Variants in CDYL2 observed in about 807,000 individuals in gnomAD.
CDYL2 encodes chromodomain Y like 2.
CDYL2 carries 23 observed loss-of-function variants against 49.4 expected under a neutral mutation model. The observed-to-expected ratio is 0.47, with a 90% confidence interval of 0.34 to 0.66. The LOEUF (loss-of-function observed/expected upper bound fraction) is 0.66. Among genes scored for constraint, CDYL2 ranks in the 30% least tolerant of loss-of-function variants. The probability of loss-of-function intolerance (pLI) is 0.01; values close to 1 mark genes in which losing one functional copy is unlikely to be tolerated. For synonymous variants in CDYL2, 360 were observed against 268.8 expected (o/e 1.34, Z -3.32); for missense variants, 678 against 656.4 (o/e 1.03, Z -0.36).
intron 1 of CDYL2, among the ~76,000 whole-genome samples, chr16:80,725,288 C>T (rs1012805976): frequency 6.6e-6 from 1 of 152,178 alleles, no homozygotes; most frequent in Admixed American, 6.5e-5. Flanking sequence ...GAGCATCTTC[C>T]CTGACATCCC....
chr16:80,624,128 A>C (rs1050232166), intron 3 of CDYL2, among the ~76,000 whole-genome samples: 1 of 152,102 alleles, frequency 6.6e-6, no homozygotes, highest in African/African-American at 2.4e-5. Context: ...AGACTACACA[A>C]TGTCTCTTGG....
At chr16:80,719,896 T>C (rs2142523619) in intron 1 of CDYL2, among the ~76,000 whole-genome samples, 1 of 152,332 alleles carries the variant, frequency 6.6e-6, no homozygotes, top group African/African-American at 2.4e-5. Flanking sequence ...TGTCCAACCC[T>C]GGCCCTCCCC....
chr16:80,672,619 G>A (rs1184794068), intron 2 of CDYL2, among the ~76,000 whole-genome samples: 1 of 146,122 alleles, frequency 6.8e-6, no homozygotes, highest in African/African-American at 2.5e-5. Context: ...GGAAAAGAAA[G>A]GAAAGGAAAG....
intron 1 of CDYL2, 59 bp from the exon 2 acceptor site, chr16:80,685,188 CG>C: frequency 7.2e-7 from 1 of 1,385,908 alleles, no homozygotes; most frequent in Non-Finnish European, 1.0e-6. Context: ...AAACTCAGTT[CG>C]AGGCAACAAG....
At chr16:80,781,532 A>G (rs1198704241) in intron 1 of CDYL2, among the ~76,000 whole-genome samples, 1 of 152,214 alleles carries the variant, frequency 6.6e-6, no homozygotes, top group East Asian at 1.9e-4. Flanking sequence ...TAAACCTATT[A>G]GACCTAACAG....
chr16:80,754,552 T>C (rs1906244483), intron 1 of CDYL2, among the ~76,000 whole-genome samples: 1 of 152,190 alleles, frequency 6.6e-6, no homozygotes, highest in Non-Finnish European at 1.5e-5. Context: ...AGAGTAATAC[T>C]GTAGATGAAG....
intron 2 of CDYL2, among the ~76,000 whole-genome samples, chr16:80,673,146 C>T (rs1413170392): frequency 6.6e-6 from 1 of 151,760 alleles, no homozygotes; most frequent in African/African-American, 2.4e-5. Context: ...GGTGAAACCC[C>T]ATTTCTACTA....
At chr16:80,651,734 G>C (rs997371383) in intron 2 of CDYL2, among the ~76,000 whole-genome samples, 11 of 152,180 alleles carry the variant, frequency 7.2e-5, no homozygotes, top group African/African-American at 2.7e-4. Context: ...AATAACTTTA[G>C]AAATGAGCGG....
At position 80,654,970 on chromosome 16, in the gene CDYL2, C is replaced by A. The variant is rs111869809; in HGVS notation, c.617-21734G>T. 2.3e-3 allele frequency among the ~76,000 whole-genome samples: 354 copies of A among 152,350 alleles called. 2 individuals are homozygous for A. The highest frequency in any genetic ancestry group is 8.1e-3 in the African/African-American group (336 of 41,572). On this transcript the variant is annotated intron_variant, in intron 2 of 6. Transcript: ENST00000570137. ...AACTCAGAAGGCCTTCCTAATCAGA[C>A]AGAGCTGGCTGTGGTTTCTGCAGCG...
intron 2 of CDYL2, among the ~76,000 whole-genome samples, chr16:80,669,701 C>G (rs946398859): frequency 6.6e-6 from 1 of 152,154 alleles, no homozygotes; most frequent in Admixed American, 6.5e-5. Context: ...CAGGCAGGTG[C>G]CCCCACTGAA....
Position 80,599,044 on chromosome 16 carries a change from A to T in CDYL2, c.*5344T>A, listed in dbSNP as rs1411588975. Reference sequence around the variant, plus strand: ...GAAACTCTACACCCTCCAAACTTCCAAGAGTCAGCTTCAAGAGCTCCAGCA... The same window carrying T: ...GAAACTCTACACCCTCCAAACTTCCTAGAGTCAGCTTCAAGAGCTCCAGCA... On this transcript the variant is annotated 3_prime_UTR_variant, in exon 7 of 7. Transcript: ENST00000570137. 2.0e-5 allele frequency: 3 copies of T among 152,154 alleles called. No individual in the cohort carries two copies. Among genetic ancestry groups the T allele is most frequent in the Non-Finnish European group, 4.4e-5 (3 of 68,038 alleles). 9.4% of individuals were successfully genotyped at this position (152,154 alleles called of 1,614,324 possible). A position where few individuals can be genotyped will look rare whatever the true frequency, so the allele number is the denominator to read the frequency against.
intron 3 of CDYL2, among the ~76,000 whole-genome samples, chr16:80,626,124 T>A (rs1484569286): frequency 2.1e-5 from 3 of 144,630 alleles, no homozygotes; most frequent in African/African-American, 7.6e-5. Flanking sequence ...ACCCCAACTC[T>A]CCTAAAAATA....
In CDYL2 at chr16:80,612,698, G is replaced by A. The variant is rs12922920; in HGVS notation, c.1146C>T (p.Pro382=). The A allele has an allele frequency of 1.2e-6, 2 of 1,613,294 alleles. No homozygotes were observed. The highest frequency in any genetic ancestry group is 2.7e-5 in the African/African-American group (2 of 74,890). ...WASEKAWFQT[P]YATIRLTPAG... Reference sequence around the variant, plus strand: ...CAGGCGTGAGGCGGATGGTGGCGTAGGGCGTCTGGAACCAGGCCTTCTCAC... The same window carrying A: ...CAGGCGTGAGGCGGATGGTGGCGTAAGGCGTCTGGAACCAGGCCTTCTCAC... Residue 382 remains proline, a synonymous_variant, in exon 5 of 7, where the codon CCC becomes CCT. Transcript: ENST00000570137. The surrounding 1 kb of genome is among the most constrained non-coding windows in gnomAD (Gnocchi z 5.0).
intron 5 of CDYL2, among the ~76,000 whole-genome samples, chr16:80,609,290 C>A (rs552375336): frequency 1.3e-5 from 2 of 152,122 alleles, no homozygotes; most frequent in African/African-American, 4.8e-5. Flanking sequence ...TCCGCACGGC[C>A]GGCAACGCCT....
In CDYL2 at chr16:80,759,102, CTATATATATATATATATA is replaced by C. The variant is rs59240300; in HGVS notation, c.24+45030_24+45047del. ...AAATGTAATATCTACAAACCATATA[CTATATATATATATATATA>C]TATATATATATATATATATGGTTTA... On this transcript the variant is annotated intron_variant, in intron 1 of 6. Transcript: ENST00000570137. 1.6e-3 allele frequency among the ~76,000 whole-genome samples: 104 copies of C among 63,368 alleles called. No individual in the cohort carries two copies. In the East Asian group the frequency reaches 0.043, roughly 26 times the overall value. 41.6% of individuals were successfully genotyped at this position (63,368 alleles called of 152,430 possible).
chr16:80,652,278 C>CA (rs941835770), intron 2 of CDYL2, among the ~76,000 whole-genome samples: 7 of 151,784 alleles, frequency 4.6e-5, no homozygotes, highest in African/African-American at 1.2e-4. Context: ...AAAGCAACAA[C>CA]AAAAAAAATC....
intron 1 of CDYL2, among the ~76,000 whole-genome samples, chr16:80,743,660 G>C (rs1418063063): frequency 1.3e-5 from 2 of 151,920 alleles, no homozygotes; most frequent in Non-Finnish European, 2.9e-5. Flanking sequence ...TATTTTCTCT[G>C]TTTTTTGTTT....
intron 1 of CDYL2, among the ~76,000 whole-genome samples, chr16:80,798,259 T>C (rs1357160115): frequency 6.6e-6 from 1 of 152,182 alleles, no homozygotes; most frequent in Admixed American, 6.5e-5. Context: ...CCCAGGCTGG[T>C]CTAGAATTCC....
In CDYL2 at chr16:80,753,098, T is replaced by C. The variant is rs1288266446; in HGVS notation, c.24+51052A>G. ...AAAGGGAAAAAATGGTGTAATGCAG[T>C]CAAAGTTTCCTAAGGTCTGAGAAGT... On this transcript the variant is annotated intron_variant, in intron 1 of 6. Coordinates refer to ENST00000570137, the MANE Select transcript of CDYL2 (RefSeq NM_152342.4). Among the ~76,000 whole-genome samples the C allele has an allele frequency of 2.0e-5, 3 of 152,208 alleles. No individual in the cohort carries two copies. The East Asian group carries it at 5.8e-4, about 29-fold the overall frequency.
Sources: allele counts gnomAD v4.1 joint callset (sites outside exome capture counted in the v4.1 genomes callset), GRCh38; gene constraint gnomAD v4.1.1; non-coding constraint Gnocchi (gnomAD v3.1); transcripts MANE v1.5; gene names NCBI Gene and HGNC (gene_info 2026-07-23, HGNC 2026-07-21).